The following FOSL2 variants were observed in gnomAD, a reference collection of about 807,000 sequenced individuals.
The protein encoded by FOSL2 is fos-related antigen 2.
FOSL2 carries 3 observed loss-of-function variants against 27.7 expected under a neutral mutation model. The observed-to-expected ratio is 0.11, with a 90% CI of 0.05 to 0.28. FOSL2 has a LOEUF of 0.28. FOSL2 is among the 10% of genes least tolerant of loss of function. The pLI, the probability that FOSL2 is intolerant of heterozygous loss-of-function variation, is 1.00. For missense variants in FOSL2, 333 were observed against 445.1 expected, an observed-to-expected ratio of 0.75 and a Z score of 2.27; for synonymous variants, 179 against 190.1, an observed-to-expected ratio of 0.94 and a Z score of 0.48.
chr2:28,414,968 C>T lies in FOSL2; in HGVS notation c.*2520C>T, dbSNP rs993123428. ...GAAGACTGAATATTCACACCTAAGT[C>T]GTGAGCATATCCTGAGTTTTACTTC... is the stretch of plus-strand genomic sequence containing the variant. On this transcript the variant is annotated 3_prime_UTR_variant, in exon 4 of 4. Coordinates refer to ENST00000264716, the MANE Select transcript of FOSL2 (RefSeq NM_005253.4). 3.3e-5 allele frequency: 5 copies of T among 152,224 alleles called. No homozygotes were observed. The highest frequency in any genetic ancestry group is 4.4e-5 in the Non-Finnish European group (3 of 68,058). The allele number at this position is 152,224 out of a possible 1,614,324, so 9.4% of individuals were successfully genotyped here. A position where few individuals can be genotyped will look rare whatever the true frequency, so the allele number is the denominator to read the frequency against.
chr2:28,403,350 A>C (rs1040569152), intron 1 of FOSL2, among the ~76,000 whole-genome samples: 2 of 152,216 alleles, frequency 1.3e-5, no homozygotes, highest in Non-Finnish European at 2.9e-5. Context: ...CACTAGCAGC[A>C]CCAGAGTTTC....
chr2:28,410,513 G>C (rs1664171409), intron 3 of FOSL2: 2 of 985,058 alleles, frequency 2.0e-6, no homozygotes, highest in African/African-American at 3.5e-5. Flanking sequence ...AGACCCTTGA[G>C]ACAGACGGAA....
Position 28,393,860 on chromosome 2 carries a change from G to A in FOSL2, c.102+38G>A. The A allele has an allele frequency of 4.8e-6, 7 of 1,444,068 alleles. No individual in the cohort carries two copies. Among genetic ancestry groups the A allele is most frequent in the Non-Finnish European group, 5.7e-6 (6 of 1,049,772 alleles). 89.5% of individuals were successfully genotyped at this position (1,444,068 alleles called of 1,614,324 possible). A position where few individuals can be genotyped will look rare whatever the true frequency, so the allele number is the denominator to read the frequency against. On this transcript the variant is annotated intron_variant, in intron 1 of 3. Coordinates refer to ENST00000264716, the MANE Select transcript of FOSL2 (RefSeq NM_005253.4). This position sits in a 1 kb window ranked among gnomAD's most constrained non-coding sequence, Gnocchi z 4.6. The stretch of plus-strand genomic sequence containing the variant: ...CCCGGTGCACCTGGCGGCGCGGGCG[G>A]ACCCCTGCCCTCTTCTCGCCGCCAC...
intron 1 of FOSL2, among the ~76,000 whole-genome samples, chr2:28,398,345 G>A (rs529881743): frequency 6.6e-6 from 1 of 152,292 alleles, no homozygotes; most frequent in Non-Finnish European, 1.5e-5. Context: ...ATTTCTCCTG[G>A]CCCACCTGGT....
In FOSL2 at chr2:28,404,090, T is replaced by G. The variant is rs1404850116; in HGVS notation, c.103-17T>G. ...TAGTATTTATTGGCTCATTTGTATT[T>G]TTTTTCCTCATTTCAGAAATTCCGG... On this transcript the variant is annotated splice_polypyrimidine_tract_variant and intron_variant, in intron 1 of 3. Coordinates refer to ENST00000264716, the MANE Select transcript of FOSL2 (RefSeq NM_005253.4). The surrounding 1 kb of genome is among the most constrained non-coding windows in gnomAD (Gnocchi z 4.7). 1 of 1,613,872 alleles carries G rather than the reference T, an allele frequency of 6.2e-7. No homozygotes were observed. Among genetic ancestry groups the G allele is most frequent in the South Asian group, 1.1e-5 (1 of 91,078 alleles).
rs1370796000 is a variant in FOSL2, at chr2:28,393,013, G to A, written c.-708G>A. On this transcript the variant is annotated 5_prime_UTR_variant, in exon 1 of 4. Coordinates refer to ENST00000264716, the MANE Select transcript of FOSL2 (RefSeq NM_005253.4). The surrounding 1 kb of genome is among the most constrained non-coding windows in gnomAD (Gnocchi z 4.6). The stretch of plus-strand genomic sequence containing the variant: ...GCGGGCCCGTCCGGGAGCGGGCTCC[G>A]GGGAAGGGGTGCGGGTCTGGGCGCC... 2.0e-4 allele frequency: 124 copies of A among 620,768 alleles called. 1 individual carries two copies. In the East Asian group the frequency reaches 3.6e-3, roughly 18 times the overall value. The allele number at this position is 620,768 out of a possible 1,614,324, so 38.5% of individuals were successfully genotyped here. A position where few individuals can be genotyped will look rare whatever the true frequency, so the allele number is the denominator to read the frequency against.
rs534806089 is a variant in FOSL2, at chr2:28,412,168, C to T, written c.701C>T (p.Ser234Leu). 28 of 1,608,020 alleles carry T rather than the reference C, an allele frequency of 1.7e-5. No individual in the cohort carries two copies. The highest frequency in any genetic ancestry group is 8.0e-5 in the African/African-American group (6 of 74,854). Residue 234 changes from serine (S) to leucine (L), a missense_variant, in exon 4 of 4, where the codon TCG (serine) becomes TTG (leucine). By Grantham distance (145) the Ser-to-Leu change is moderately radical (BLOSUM62 -2). Around this residue, in one of 4 missense-constraint regions of FOSL2, gnomAD observed 136 missense variants for 123.7 expected, o/e 1.10. Transcript: ENST00000264716. The surrounding 1 kb of genome is among the most constrained non-coding windows in gnomAD (Gnocchi z 7.1). The part of the protein sequence containing the change: ...EPLEEDSPSS[S>L]SAGLDKAQRS... ...CTGGAAGAGGACAGCCCCTCGTCCTCGTCGGCGGGGCTGGACAAGGCCCAG... is the reference window on the plus strand; with the variant it reads ...CTGGAAGAGGACAGCCCCTCGTCCTTGTCGGCGGGGCTGGACAAGGCCCAG...
intron 1 of FOSL2, among the ~76,000 whole-genome samples, chr2:28,400,337 C>T (rs763221586): frequency 2.6e-5 from 4 of 152,300 alleles, no homozygotes; most frequent in African/African-American, 9.6e-5. Context: ...GGCTGATTCT[C>T]GGGTCTATTG....
chr2:28,405,098 T>C (rs1427198409), intron 2 of FOSL2, among the ~76,000 whole-genome samples: 1 of 152,200 alleles, frequency 6.6e-6, no homozygotes, highest in Non-Finnish European at 1.5e-5. Context: ...AGGCAGCACC[T>C]ACCTAGTACT....
At chr2:28,405,499 C>G (rs1228174541) in intron 2 of FOSL2, among the ~76,000 whole-genome samples, 1 of 152,248 alleles carries the variant, frequency 6.6e-6, no homozygotes, top group Non-Finnish European at 1.5e-5. Context: ...TCCATCTTCA[C>G]TCTGTGATCC....
chr2:28,401,793 A>G (rs1358798554), intron 1 of FOSL2, among the ~76,000 whole-genome samples: 5 of 152,214 alleles, frequency 3.3e-5, no homozygotes, highest in Admixed American at 3.3e-4. Flanking sequence ...GCCTGATAAA[A>G]AGCCCACTTT....
intron 2 of FOSL2, among the ~76,000 whole-genome samples, chr2:28,407,392 G>A (rs557579524): frequency 3.3e-5 from 5 of 152,348 alleles, no homozygotes; most frequent in African/African-American, 1.2e-4. Flanking sequence ...TGTGTGACAG[G>A]CATGGGATTG....
chr2:28,400,027 C>T (rs553720658), intron 1 of FOSL2, among the ~76,000 whole-genome samples: 3 of 152,150 alleles, frequency 2.0e-5, no homozygotes, highest in Non-Finnish European at 2.9e-5. Context: ...TTCTTGCCCA[C>T]CCCGCAGTTG....
intron 3 of FOSL2, 27 bp from the exon 4 acceptor site, chr2:28,411,903 C>T: frequency 6.2e-7 from 1 of 1,614,000 alleles, no homozygotes; most frequent in Non-Finnish European, 8.5e-7. Context: ...GGTTGCTGTC[C>T]CTCACATCCC....
intron 1 of FOSL2, chr2:28,396,838 A>ACACAAACACACACAC (rs1663854590): frequency 6.7e-6 from 1 of 150,372 alleles, no homozygotes; most frequent in African/African-American, 2.5e-5. Context: ...ACACACACAC[A>ACACAAACACACACAC]AAATTCCCCA....
intron 1 of FOSL2, among the ~76,000 whole-genome samples, chr2:28,402,933 A>G (rs1233403131): frequency 1.3e-5 from 2 of 152,242 alleles, no homozygotes; most frequent in Non-Finnish European, 2.9e-5. Context: ...AGAGAGAATT[A>G]GTGAGATAAT....
chr2:28,413,423 C>A lies in FOSL2; in HGVS notation c.*975C>A. 2.5e-6 allele frequency: 1 copy of A among 398,566 alleles called. No homozygotes were observed. 24.7% of individuals were successfully genotyped at this position (398,566 alleles called of 1,614,324 possible). A position where few individuals can be genotyped will look rare whatever the true frequency, so the allele number is the denominator to read the frequency against. ...AGGAGCCACACATTATACTCCAAGT[C>A]CCTGCCGGGCTCCGCCTTTCCCCCA... On this transcript the variant is annotated 3_prime_UTR_variant, in exon 4 of 4. Transcript: ENST00000264716.
In FOSL2 at chr2:28,414,255, G is replaced by A. The variant is rs539253070; in HGVS notation, c.*1807G>A. 4.3e-5 allele frequency: 7 copies of A among 161,284 alleles called. No homozygotes were observed. The highest frequency in any genetic ancestry group is 2.0e-4 in the South Asian group (1 of 4,896). 10.0% of individuals were successfully genotyped at this position (161,284 alleles called of 1,614,324 possible). On this transcript the variant is annotated 3_prime_UTR_variant, in exon 4 of 4. Transcript: ENST00000264716. ...TATTTCATGAACATGACCTGTTTTC[G>A]TGCACTAGACACACAGAGTGGAACA...
chr2:28,409,662 A>T (rs1334842978), intron 3 of FOSL2, among the ~76,000 whole-genome samples: 1 of 152,198 alleles, frequency 6.6e-6, no homozygotes, highest in Non-Finnish European at 1.5e-5. Context: ...GAGTGAGGAG[A>T]TGAGAGAGAC....
Sources: allele counts gnomAD v4.1 joint callset (sites outside exome capture counted in the v4.1 genomes callset), GRCh38; gene constraint gnomAD v4.1.1; regional missense constraint gnomAD v4.1.1; non-coding constraint Gnocchi (gnomAD v3.1); transcripts MANE v1.5; gene names NCBI Gene and HGNC (gene_info 2026-07-23, HGNC 2026-07-21).